Variants in DAPK1 observed in about 807,000 individuals in gnomAD.
DAPK1 encodes death-associated protein kinase 1.
Under a neutral mutation model 144.9 loss-of-function variants are expected in DAPK1, and 56 were observed. The observed-to-expected ratio is 0.39, with a 90% CI of 0.31 to 0.48. The LOEUF (loss-of-function observed/expected upper bound fraction) is 0.48. Ranked by LOEUF, DAPK1 falls within the 20% of genes least tolerant of loss-of-function variation. The pLI, the probability that DAPK1 is intolerant of heterozygous loss-of-function variation, is 0.95. For missense variants in DAPK1, 1,454 were observed against 1,875.4 expected (o/e 0.78, Z 4.15); for synonymous variants, 690 against 749.0 (o/e 0.92, Z 1.29).
intron 18 of DAPK1, among the ~76,000 whole-genome samples, chr9:87,659,928 G>A (rs1193561781): frequency 6.6e-6 from 1 of 152,184 alleles, no homozygotes; most frequent in East Asian, 1.9e-4. Flanking sequence ...AAATGGGAGA[G>A]GGATGCTGAC....
chr9:87,575,966 G>A (rs1186061741), intron 2 of DAPK1, among the ~76,000 whole-genome samples: 3 of 152,180 alleles, frequency 2.0e-5, no homozygotes, highest in Non-Finnish European at 2.9e-5. Context: ...GCTATGCCTG[G>A]GAGGAAGGCT....
chr9:87,605,463 C>G (rs1828683055), intron 3 of DAPK1, among the ~76,000 whole-genome samples: 1 of 152,160 alleles, frequency 6.6e-6, no homozygotes, highest in South Asian at 2.1e-4. Flanking sequence ...GCCGTGAGCA[C>G]ATCTGTTTTC....
chr9:87,578,912 A>G (rs1827652527), intron 2 of DAPK1, among the ~76,000 whole-genome samples: 1 of 152,152 alleles, frequency 6.6e-6, no homozygotes. Context: ...TTGCTGCTCC[A>G]TCTTTATTGT....
intron 1 of DAPK1, 99 bp from the exon 2 acceptor site, chr9:87,498,871 C>A: frequency 1.9e-6 from 1 of 523,046 alleles, no homozygotes; most frequent in Admixed American, 3.0e-5. Context: ...GCTCCGGAGA[C>A]CCGGTCTTCA....
chr9:87,666,477 G>GT (rs71354777), intron 18 of DAPK1, among the ~76,000 whole-genome samples: 18,339 of 139,888 alleles, frequency 0.13, 1,259 homozygotes, highest in East Asian at 0.25. Flanking sequence ...TTTTGTTTTT[G>GT]TTTTTTTTTT....
intron 3 of DAPK1, among the ~76,000 whole-genome samples, chr9:87,614,513 C>T (rs541875033): frequency 1.3e-5 from 2 of 152,314 alleles, no homozygotes; most frequent in South Asian, 2.1e-4. Context: ...GCATCACTCT[C>T]TGGGGTGGTG....
intron 2 of DAPK1, among the ~76,000 whole-genome samples, chr9:87,589,628 C>T (rs1828057973): frequency 6.6e-6 from 1 of 151,996 alleles, no homozygotes; most frequent in Non-Finnish European, 1.5e-5. Flanking sequence ...TTTCTTTGAA[C>T]CCAAATACAG....
chr9:87,606,601 C>A (rs1587762827), intron 3 of DAPK1, among the ~76,000 whole-genome samples: 1 of 118,126 alleles, frequency 8.5e-6, no homozygotes. Flanking sequence ...TCCTTCCTCC[C>A]TCCCTCCCTC....
At chr9:87,702,453 A>G (rs1273348927) in intron 24 of DAPK1, among the ~76,000 whole-genome samples, 2 of 152,330 alleles carry the variant, frequency 1.3e-5, no homozygotes, top group East Asian at 3.9e-4. Flanking sequence ...ATTGATGATG[A>G]TACTCATTCT....
At chr9:87,597,096 G>A (rs1828344063) in intron 2 of DAPK1, among the ~76,000 whole-genome samples, 2 of 152,218 alleles carry the variant, frequency 1.3e-5, no homozygotes, top group African/African-American at 4.8e-5. Context: ...TTGTTGGTTG[G>A]CTTCCAAGAG....
chr9:87,540,847 C>T (rs1019229570), intron 2 of DAPK1, among the ~76,000 whole-genome samples: 4 of 152,178 alleles, frequency 2.6e-5, no homozygotes, highest in African/African-American at 4.8e-5. Flanking sequence ...CTGACATATA[C>T]TTGACCTATA....
intron 2 of DAPK1, among the ~76,000 whole-genome samples, chr9:87,593,753 T>A (rs1247838187): frequency 6.6e-6 from 1 of 152,116 alleles, no homozygotes; most frequent in African/African-American, 2.4e-5. Context: ...TCTTTGTCAA[T>A]TTTTTTTCAG....
rs572149848 is a variant in DAPK1, at chr9:87,587,053, CCTT to C, written c.63-17895_63-17893del. Among the ~76,000 whole-genome samples the C allele has an allele frequency of 3.5e-3, 536 of 152,322 alleles. 3 individuals are homozygous for C. The highest frequency in any genetic ancestry group is 0.012 in the African/African-American group (516 of 41,566). On this transcript the variant is annotated intron_variant, in intron 2 of 25. Transcript: ENST00000408954. ...TTTATATCCTTAGCAAGATCAAACT[CCTT>C]CTTCTCCCTCACCTAAAGGTGAGAT...
At chr9:87,642,908 C>T (rs1830143008) in intron 10 of DAPK1, among the ~76,000 whole-genome samples, 1 of 152,178 alleles carries the variant, frequency 6.6e-6, no homozygotes, top group African/African-American at 2.4e-5. Context: ...AGAGGTCCCC[C>T]AGCTGTTCAC....
intron 2 of DAPK1, among the ~76,000 whole-genome samples, chr9:87,576,774 T>C (rs1587734135): frequency 6.6e-6 from 1 of 152,118 alleles, no homozygotes; most frequent in Admixed American, 6.5e-5. Flanking sequence ...GCCAGGCTGG[T>C]ACCAAATTCC....
chr9:87,620,491 T>G (rs538586569), intron 3 of DAPK1, among the ~76,000 whole-genome samples: 1 of 150,918 alleles, frequency 6.6e-6, no homozygotes, highest in South Asian at 2.1e-4. Context: ...TGGTCCTCTG[T>G]CCTGGGATTT....
At chr9:87,637,844 G>A in intron 3 of DAPK1, 99 bp from the exon 4 acceptor site, 1 of 1,357,462 alleles carries the variant, frequency 7.4e-7, no homozygotes, top group Non-Finnish European at 1.0e-6. Context: ...TCTTTATGCT[G>A]TTTTCTTGTC....
intron 2 of DAPK1, among the ~76,000 whole-genome samples, chr9:87,589,552 G>A (rs1828054975): frequency 2.5e-5 from 1 of 39,808 alleles, no homozygotes; most frequent in Non-Finnish European, 6.6e-5. Context: ...GCACCATCAA[G>A]TACTTTTTTT....
chr9:87,521,046 C>G (rs1385742975), intron 2 of DAPK1, among the ~76,000 whole-genome samples: 1 of 152,188 alleles, frequency 6.6e-6, no homozygotes, highest in Non-Finnish European at 1.5e-5. Context: ...ACCATTAAAT[C>G]TAATATGTGA....
Sources: gnomAD v4.1 joint callset for allele counts (sites outside exome capture counted in the v4.1 genomes callset) on GRCh38, gnomAD v4.1.1 for gene constraint, MANE v1.5 for transcripts, NCBI Gene and HGNC (gene_info 2026-07-23, HGNC 2026-07-21) for gene names.